The following KCNJ13 variants were observed in gnomAD, a reference collection of about 807,000 sequenced individuals.
KCNJ13 encodes the protein inward rectifier potassium channel 13.
In KCNJ13, 9 loss-of-function variants were observed where a neutral mutation model predicts 24.6. The ratio of observed to expected loss-of-function variants is 0.37; its 90% CI spans 0.22 to 0.64. The LOEUF (loss-of-function observed/expected upper bound fraction) is 0.64. Among genes scored for constraint, KCNJ13 ranks in the 30% least tolerant of loss-of-function variants. The pLI is 0.64. For missense variants in KCNJ13, 337 were observed against 443.8 expected (o/e 0.76, Z 2.16); for synonymous variants, 148 against 154.7 (o/e 0.96, Z 0.32).
At position 232,771,650 on chromosome 2, in the gene KCNJ13, G is replaced by A. The variant is rs76483150; in HGVS notation, c.-16-272C>T. ...TTAAACATTTTCTAAGTATATTTTAGAATTCCTGTAGGTAGAGATTATATA... is the reference window on the plus strand; with the variant it reads ...TTAAACATTTTCTAAGTATATTTTAAAATTCCTGTAGGTAGAGATTATATA... On this transcript the variant is annotated intron_variant, in intron 1 of 2. Coordinates refer to ENST00000233826, the MANE Select transcript of KCNJ13 (RefSeq NM_002242.4). Among the ~76,000 whole-genome samples, 260 of 152,262 alleles carry A rather than the reference G, an allele frequency of 1.7e-3. 1 individual carries two copies. Among genetic ancestry groups the A allele is most frequent in the South Asian group, 8.7e-3 (42 of 4,826 alleles).
intron 1 of KCNJ13, among the ~76,000 whole-genome samples, chr2:232,772,805 A>G (rs140233969): frequency 6.6e-5 from 10 of 152,120 alleles, no homozygotes; most frequent in Non-Finnish European, 1.3e-4. Flanking sequence ...CCTGCCTTTT[A>G]ATGGGGCTTG....
rs1455642478 is a variant in KCNJ13 at position 232,765,860 on chromosome 2, G to A, written c.*2331C>T. On this transcript the variant is annotated 3_prime_UTR_variant, in exon 3 of 3. Coordinates refer to ENST00000233826, the MANE Select transcript of KCNJ13 (RefSeq NM_002242.4). ...ATTTTTAGGTAACGACATGCCTCCA[G>A]TTTGTTGAAACTGTCATGCTATCTT... is the stretch of plus-strand genomic sequence containing the variant. The A allele has an allele frequency of 8.6e-6, 4 of 463,674 alleles. No individual in the cohort carries two copies. In the East Asian group the frequency reaches 2.8e-4, roughly 32 times the overall value. 28.7% of individuals were successfully genotyped at this position (463,674 alleles called of 1,614,324 possible). A position where few individuals can be genotyped will look rare whatever the true frequency, so the allele number is the denominator to read the frequency against.
chr2:232,766,019 C>T lies in KCNJ13; in HGVS notation c.*2172G>A, dbSNP rs1244755644. 2.1e-6 allele frequency: 1 copy of T among 471,074 alleles called. No homozygotes were observed. The highest frequency in any genetic ancestry group is 4.4e-6 in the Non-Finnish European group (1 of 227,004). 29.2% of individuals were successfully genotyped at this position (471,074 alleles called of 1,614,324 possible). The stretch of plus-strand genomic sequence containing the variant: ...CATCCAGAAAGGCAGAGCAGCCATT[C>T]CTCCCTCCCAGTAATTTCCGCCCTT... On this transcript the variant is annotated 3_prime_UTR_variant, in exon 3 of 3. Transcript: ENST00000233826.
intron 1 of KCNJ13, among the ~76,000 whole-genome samples, chr2:232,773,372 C>A (rs190888572): frequency 7.2e-5 from 11 of 152,254 alleles, no homozygotes; most frequent in African/African-American, 2.6e-4. Flanking sequence ...GATGAAGTCA[C>A]TGGTGCTCAG....
At position 232,768,721 on chromosome 2, in the gene KCNJ13, G is replaced by GT; in HGVS notation, c.552dup (p.Pro185ThrfsTer2). ...TTGGCCACTTGGAAGATAAGATTAG[G>GT]TTTGCCATCCATGTGAGCTACTACT... On this transcript the variant is annotated frameshift_variant, in exon 3 of 3. Transcript: ENST00000233826. LOFTEE classifies it high-confidence loss of function. 6.2e-7 allele frequency: 1 copy of GT among 1,602,448 alleles called. No individual in the cohort carries two copies. Among genetic ancestry groups the GT allele is most frequent in the Non-Finnish European group, 8.5e-7 (1 of 1,171,046 alleles).
intron 2 of KCNJ13, among the ~76,000 whole-genome samples, chr2:232,769,659 C>T (rs771890311): frequency 3.9e-5 from 6 of 151,998 alleles, no homozygotes; most frequent in Non-Finnish European, 8.8e-5. Context: ...CTTCCTTGTG[C>T]CCTAAGCTAT....
rs756015481 is a variant in KCNJ13 at position 232,770,934 on chromosome 2, G to C, written c.429C>G (p.Leu143=). Residue 143 remains leucine (L), a synonymous_variant, in exon 2 of 3, where the codon CTC becomes CTG. Coordinates refer to ENST00000233826, the MANE Select transcript of KCNJ13 (RefSeq NM_002242.4). ...SAIALLAIQM[L]LGLMLEAFIT... Reference sequence around the variant, plus strand: ...TAAAAGCCTCTAGCATGAGGCCTAGGAGCATTTGTATGGCAAGTAAGGCGA... The same window carrying C: ...TAAAAGCCTCTAGCATGAGGCCTAGCAGCATTTGTATGGCAAGTAAGGCGA... 3 of 1,613,826 alleles carry C rather than the reference G, an allele frequency of 1.9e-6. No homozygotes were observed. The East Asian group carries it at 6.7e-5, about 36-fold the overall frequency.
At chr2:232,772,337 G>T (rs1011389794) in intron 1 of KCNJ13, among the ~76,000 whole-genome samples, 19 of 152,130 alleles carry the variant, frequency 1.2e-4, no homozygotes, top group African/African-American at 4.3e-4. Context: ...TGATTAGATT[G>T]GGGGGTAGAA....
chr2:232,774,545 T>A (rs1410491626), intron 1 of KCNJ13, among the ~76,000 whole-genome samples: 1 of 152,188 alleles, frequency 6.6e-6, no homozygotes, highest in Non-Finnish European at 1.5e-5. Context: ...AATACTGTCA[T>A]TATAAATAAA....
At chr2:232,773,862 A>C (rs1247905156) in intron 1 of KCNJ13, among the ~76,000 whole-genome samples, 2 of 149,558 alleles carry the variant, frequency 1.3e-5, no homozygotes. Flanking sequence ...GCTTGAGTCC[A>C]GGAGTTAGAG....
rs1363681600 is a variant in KCNJ13 at position 232,766,775 on chromosome 2, C to G, written c.*1416G>C. ...TTGCTGCTGAGCCCTGCTCTTCACACCTGCTTGCCTTTACTCAGCTAGTAT... is the reference window on the plus strand; with the variant it reads ...TTGCTGCTGAGCCCTGCTCTTCACAGCTGCTTGCCTTTACTCAGCTAGTAT... On this transcript the variant is annotated 3_prime_UTR_variant, in exon 3 of 3. Coordinates refer to ENST00000233826, the MANE Select transcript of KCNJ13 (RefSeq NM_002242.4). 6.6e-6 allele frequency: 1 copy of G among 152,206 alleles called. No individual in the cohort carries two copies. Among genetic ancestry groups the G allele is most frequent in the Non-Finnish European group, 1.5e-5 (1 of 68,030 alleles). 9.4% of individuals were successfully genotyped at this position (152,206 alleles called of 1,614,324 possible).
chr2:232,776,336 T>C, intron 1 of KCNJ13, 109 bp downstream of exon 1: 1 of 765,156 alleles, frequency 1.3e-6, no homozygotes, highest in Non-Finnish European at 2.2e-6. Flanking sequence ...ATAATGTCTT[T>C]GTTTTAAAAA....
chr2:232,772,944 A>G (rs184773439), intron 1 of KCNJ13, among the ~76,000 whole-genome samples: 23 of 152,220 alleles, frequency 1.5e-4, no homozygotes, highest in Middle Eastern at 3.4e-3. Flanking sequence ...ACCTGGGTAT[A>G]TACAACTTTC....
At chr2:232,774,091 G>T (rs1293780148) in intron 1 of KCNJ13, among the ~76,000 whole-genome samples, 2 of 151,332 alleles carry the variant, frequency 1.3e-5, no homozygotes, top group Non-Finnish European at 2.9e-5. Flanking sequence ...AGACCGATCT[G>T]GCCAACATAG....
Position 232,767,234 on chromosome 2 carries a change from T to C in KCNJ13, c.*957A>G, listed in dbSNP as rs886055793. ...AAATGCTTTGTTGCCTAATTATCTT[T>C]TGCTTTATCTACTGTAGATTTTTTT... is the stretch of plus-strand genomic sequence containing the variant. On this transcript the variant is annotated 3_prime_UTR_variant, in exon 3 of 3. Transcript: ENST00000233826. 6.6e-6 allele frequency: 1 copy of C among 152,200 alleles called. No individual in the cohort carries two copies. Among genetic ancestry groups the C allele is most frequent in the African/African-American group, 2.4e-5 (1 of 41,448 alleles). 9.4% of individuals were successfully genotyped at this position (152,200 alleles called of 1,614,324 possible). A position where few individuals can be genotyped will look rare whatever the true frequency, so the allele number is the denominator to read the frequency against.
In KCNJ13 at chr2:232,768,243, T is replaced by C; in HGVS notation, c.1031A>G (p.Asn344Ser). 1 of 1,614,112 alleles carries C rather than the reference T, an allele frequency of 6.2e-7. No homozygotes were observed. The highest frequency in any genetic ancestry group is 8.5e-7 in the Non-Finnish European group (1 of 1,179,958). The change falls in exon 3 of 3, where the codon AAT becomes AGT. Residue 344 changes from asparagine (N) to serine (S), a missense_variant. Transcript: ENST00000233826. ...PNRTDLDIHINGQSIDNFQIS... is the reference protein window; with the variant it reads ...PNRTDLDIHISGQSIDNFQIS... ...CTGAAAATTGTCAATGCTTTGTCCATTGATGTGGATATCCAGGTCAGTCCT... is the reference window on the plus strand; with the variant it reads ...CTGAAAATTGTCAATGCTTTGTCCACTGATGTGGATATCCAGGTCAGTCCT...
At chr2:232,772,844 G>C (rs1158969721) in intron 1 of KCNJ13, among the ~76,000 whole-genome samples, 1 of 152,224 alleles carries the variant, frequency 6.6e-6, no homozygotes, top group Admixed American at 6.5e-5. Context: ...TGTGGAGCTA[G>C]GTTGTTGCTT....
At chr2:232,770,785 T>A in intron 2 of KCNJ13, 118 bp downstream of exon 2, 1 of 722,770 alleles carries the variant, frequency 1.4e-6, no homozygotes, top group Non-Finnish European at 2.3e-6. Context: ...GCTATCAATA[T>A]AGATAAATTA....
At chr2:232,769,283 C>A (rs1699119684) in intron 2 of KCNJ13, among the ~76,000 whole-genome samples, 1 of 152,068 alleles carries the variant, frequency 6.6e-6, no homozygotes, top group Non-Finnish European at 1.5e-5. Flanking sequence ...GTAATCCCGG[C>A]ACTTTGGGAG....
Sources: gnomAD v4.1 joint callset for allele counts (sites outside exome capture counted in the v4.1 genomes callset) on GRCh38, gnomAD v4.1.1 for gene constraint, MANE v1.5 for transcripts, NCBI Gene and HGNC (gene_info 2026-07-23, HGNC 2026-07-21) for gene names.